UNC13B: variants seen among roughly 807,000 people sequenced by gnomAD.
The protein encoded by UNC13B is protein unc-13 homolog B.
UNC13B carries 144 observed loss-of-function variants against 211.0 expected under a neutral mutation model. The ratio of observed to expected loss-of-function variants is 0.68; its 90% CI spans 0.60 to 0.78. The LOEUF is 0.78. Ranked by LOEUF, UNC13B falls within the 30% of genes least tolerant of loss-of-function variation. The pLI, the probability that UNC13B is intolerant of heterozygous loss-of-function variation, is 0.00. For synonymous variants in UNC13B, 709 were observed against 725.8 expected (o/e 0.98, Z 0.37); for missense variants, 1,777 against 2,002.0 (o/e 0.89, Z 2.14).
chr9:35,205,167 C>T (rs1257093360), intron 1 of UNC13B, among the ~76,000 whole-genome samples: 1 of 152,164 alleles, frequency 6.6e-6, no homozygotes, highest in East Asian at 1.9e-4. Flanking sequence ...TATCTCCCTT[C>T]ACCTTATACC....
rs1318698914 is a variant in UNC13B at position 35,226,921 on chromosome 9, C to T, written c.23-1094C>T. Among the ~76,000 whole-genome samples the T allele has an allele frequency of 3.3e-5, 5 of 152,192 alleles. No individual in the cohort carries two copies. The South Asian group carries it at 6.2e-4, about 19-fold the overall frequency. ...TCAATAGAGTGTCACATTACAGAACCATTATTATCACTATATCGTTGACTA... is the reference window on the plus strand; with the variant it reads ...TCAATAGAGTGTCACATTACAGAACTATTATTATCACTATATCGTTGACTA... On this transcript the variant is annotated intron_variant, in intron 1 of 39. Transcript: ENST00000635942.
chr9:35,313,753 A>G, intron 10 of UNC13B, 146 bp from the exon 11 acceptor site: 1 of 600,102 alleles, frequency 1.7e-6, no homozygotes, highest in Non-Finnish European at 3.0e-6. Context: ...TTCAAGTACT[A>G]TGCTGTTTTA....
chr9:35,310,730 C>T lies in UNC13B; in HGVS notation c.9272C>T (p.Pro3091Leu). ...KEMKEDATTH[P>L]PPDLVLQKDH... is the part of the protein sequence containing the mutation. ...ATGAAAGAAGATGCCACAACCCACC[C>T]TCCCCCAGATCTGGTGCTGCAAAAA... Residue 3091 changes from proline (P) to leucine (L), a missense_variant, in exon 10 of 40, where the codon CCT (proline) becomes CTT (leucine). Transcript: ENST00000635942. 1.9e-6 allele frequency: 3 copies of T among 1,614,006 alleles called. No homozygotes were observed. Among genetic ancestry groups the T allele is most frequent in the East Asian group, 4.5e-5 (2 of 44,846 alleles).
rs61732426 is a variant in UNC13B at position 35,380,534 on chromosome 9, T to G, written c.10270T>G (p.Ser3424Ala). ...ATGGGATGAGGATGATGACATCAAG[T>G]CAAGAGTAAAGCAACGCCTAAAGCG... is the stretch of plus-strand genomic sequence containing the variant. ...RVWDEDDDIKSRVKQRLKRES... is the reference protein window; with the variant it reads ...RVWDEDDDIKARVKQRLKRES... Residue 3424 changes from serine to alanine, a missense_variant, in exon 18 of 40, where the codon TCA becomes GCA. Physicochemically the swap from Ser to Ala is moderately conservative, Grantham distance 99 (BLOSUM62 1). Transcript: ENST00000635942. 7.3e-4 allele frequency: 1,177 copies of G among 1,613,998 alleles called. 1 individual carries two copies. The highest frequency in any genetic ancestry group is 9.2e-4 in the Non-Finnish European group (1,089 of 1,180,030).
In UNC13B at chr9:35,237,819, G is replaced by A. The variant is rs1406008149; in HGVS notation, c.387G>A (p.Leu129=). 1 of 1,602,456 alleles carries A rather than the reference G, an allele frequency of 6.2e-7. No homozygotes were observed. ...TTTTGCTTGATACAAGATTTGAGTT[G>A]CCTTTTGGTGAGTAAAATTTTAAAA... ...HKILLDTRFE[L]PFDIPEEEAR... Residue 129 remains leucine, a synonymous_variant, in exon 5 of 40, where the codon TTG becomes TTA. Transcript: ENST00000635942.
chr9:35,182,476 AT>A (rs944191613), intron 1 of UNC13B, among the ~76,000 whole-genome samples: 3 of 150,370 alleles, frequency 2.0e-5, no homozygotes, highest in South Asian at 2.1e-4. Flanking sequence ...TTTTATTTTT[AT>A]TTTTTTTAGT....
chr9:35,216,126 C>A (rs138070760), intron 1 of UNC13B, among the ~76,000 whole-genome samples: 240 of 152,340 alleles, frequency 1.6e-3, no homozygotes, highest in Middle Eastern at 3.4e-3. Flanking sequence ...CATCTAAAAT[C>A]TGTAGCATTA....
At position 35,385,709 on chromosome 9, in the gene UNC13B, C is replaced by A; in HGVS notation, c.10876-15C>A. 1.9e-6 allele frequency: 3 copies of A among 1,589,382 alleles called. No individual in the cohort carries two copies. In the South Asian group the frequency reaches 3.3e-5, roughly 18 times the overall value. ...GTCCTCTGTTCCTTTCTTACATTTG[C>A]TTGATTTGCAACAGAATAATTTCCC... On this transcript the variant is annotated splice_polypyrimidine_tract_variant and intron_variant, in intron 22 of 39. Coordinates refer to ENST00000635942, the MANE Select transcript of UNC13B (RefSeq NM_001371189.2).
At chr9:35,174,146 C>CTG (rs33950699) in intron 1 of UNC13B, among the ~76,000 whole-genome samples, 19 of 151,814 alleles carry the variant, frequency 1.3e-4, no homozygotes, top group South Asian at 2.1e-4. Flanking sequence ...CTCTCTCTCT[C>CTG]TCTTTTTTTG....
At chr9:35,183,193 T>C (rs1822059593) in intron 1 of UNC13B, among the ~76,000 whole-genome samples, 1 of 123,214 alleles carries the variant, frequency 8.1e-6, no homozygotes, top group Non-Finnish European at 1.7e-5. Context: ...GCTCCTCACC[T>C]CCCAGACGAT....
At chr9:35,314,855 A>G (rs975023945) in intron 11 of UNC13B, among the ~76,000 whole-genome samples, 4 of 143,914 alleles carry the variant, frequency 2.8e-5, no homozygotes, top group African/African-American at 1.0e-4. Context: ...GTTGATGGAC[A>G]CTTAGGTTGA....
At chr9:35,259,492 T>C (rs2131628026) in intron 7 of UNC13B, among the ~76,000 whole-genome samples, 2 of 152,288 alleles carry the variant, frequency 1.3e-5, no homozygotes, top group South Asian at 4.1e-4. Flanking sequence ...TTCTTTGACA[T>C]GAACACAAAG....
intron 1 of UNC13B, among the ~76,000 whole-genome samples, chr9:35,184,479 G>A (rs891034752): frequency 1.3e-5 from 2 of 152,182 alleles, no homozygotes; most frequent in Admixed American, 6.5e-5. Flanking sequence ...AGGCCGAGGC[G>A]GGCAGATCAC....
chr9:35,171,085 A>T (rs985857235), intron 1 of UNC13B, among the ~76,000 whole-genome samples: 1 of 152,112 alleles, frequency 6.6e-6, no homozygotes, highest in Non-Finnish European at 1.5e-5. Context: ...CTGGGATTAC[A>T]GGCATGAACC....
In UNC13B at chr9:35,303,651, C is replaced by G. The variant is rs1829792158; in HGVS notation, c.4247C>G (p.Thr1416Arg). The part of the protein sequence containing the change: ...DQNANILEWR[T>R]NPNSVIWCDL... Reference sequence around the variant, plus strand: ...AATGCAAACATCTTGGAGTGGAGAACAAATCCAAACAGTGTCATTTGGTGT... The same window carrying G: ...AATGCAAACATCTTGGAGTGGAGAAGAAATCCAAACAGTGTCATTTGGTGT... Residue 1416 changes from threonine (T) to arginine (R), a missense_variant, in exon 9 of 40, where the codon ACA becomes AGA. Transcript: ENST00000635942. 1 of 398,570 alleles carries G rather than the reference C, an allele frequency of 2.5e-6. No individual in the cohort carries two copies. The highest frequency in any genetic ancestry group is 4.4e-6 in the Non-Finnish European group (1 of 225,840). 24.7% of individuals were successfully genotyped at this position (398,570 alleles called of 1,614,324 possible). A position where few individuals can be genotyped will look rare whatever the true frequency, so the allele number is the denominator to read the frequency against.
At chr9:35,278,928 A>G (rs909633573) in intron 7 of UNC13B, among the ~76,000 whole-genome samples, 8 of 151,166 alleles carry the variant, frequency 5.3e-5, no homozygotes, top group Admixed American at 5.3e-4. Flanking sequence ...ATATTCCCCC[A>G]CCCCCATGAA....
chr9:35,335,335 G>C (rs1831593920), intron 11 of UNC13B, among the ~76,000 whole-genome samples: 1 of 152,204 alleles, frequency 6.6e-6, no homozygotes, highest in South Asian at 2.1e-4. Flanking sequence ...GAGATCCATG[G>C]CCTCTTGCAA....
intron 11 of UNC13B, among the ~76,000 whole-genome samples, chr9:35,316,816 A>G (rs1321522299): frequency 6.6e-6 from 1 of 152,110 alleles, no homozygotes; most frequent in African/African-American, 2.4e-5. Context: ...TTCGGCTGTG[A>G]CAGCTATGAA....
chr9:35,184,757 A>AAAGGAAGGAAGG, intron 1 of UNC13B, among the ~76,000 whole-genome samples: 1 of 107,132 alleles, frequency 9.3e-6, no homozygotes, highest in African/African-American at 3.8e-5. Context: ...AGAAAGAAAG[A>AAAGGAAGGAAGG]AAGGAAGGAA....
Sources: allele counts gnomAD v4.1 joint callset (sites outside exome capture counted in the v4.1 genomes callset), GRCh38; gene constraint gnomAD v4.1.1; transcripts MANE v1.5; gene names NCBI Gene and HGNC (gene_info 2026-07-23, HGNC 2026-07-21).